Variants in DHX29 observed in about 807,000 individuals in gnomAD.
The protein encoded by DHX29 is DExH-box helicase 29.
DHX29 carries 79 observed loss-of-function variants against 167.9 expected under a neutral mutation model. That is an observed-to-expected ratio of 0.47 (90% CI 0.39 to 0.57). The LOEUF is 0.57. DHX29 is among the 20% of genes least tolerant of loss of function. The pLI is 0.00. For missense variants in DHX29, 1,347 were observed against 1,593.4 expected (o/e 0.85, Z 2.63); for synonymous variants, 530 against 546.0 (o/e 0.97, Z 0.41).
intron 8 of DHX29, among the ~76,000 whole-genome samples, chr5:55,288,575 T>C (rs1352963919): frequency 6.6e-6 from 1 of 152,098 alleles, no homozygotes; most frequent in African/African-American, 2.4e-5. Context: ...TTTGATCCTA[T>C]AGTGAATGGT....
chr5:55,277,905 C>CAAA (rs753851538), intron 12 of DHX29, among the ~76,000 whole-genome samples: 17 of 61,972 alleles, frequency 2.7e-4, no homozygotes, highest in Non-Finnish European at 3.7e-4. Context: ...GACTCTATCT[C>CAAA]AAAAAAAAAA....
intron 2 of DHX29, 52 bp from the exon 3 acceptor site, chr5:55,297,450 T>A: frequency 1.3e-6 from 1 of 793,954 alleles, no homozygotes; most frequent in Non-Finnish European, 2.1e-6. Flanking sequence ...ATTAAAAAAT[T>A]AAAAGCCAAT....
intron 3 of DHX29, 49 bp from the exon 4 acceptor site, chr5:55,296,398 C>A: frequency 1.9e-6 from 3 of 1,571,310 alleles, no homozygotes; most frequent in Non-Finnish European, 2.6e-6. Flanking sequence ...AGTTCCCTTC[C>A]TGTGTTACTA....
chr5:55,292,072 A>AAT (rs1748075571), intron 6 of DHX29, among the ~76,000 whole-genome samples: 1 of 152,162 alleles, frequency 6.6e-6, no homozygotes, highest in African/African-American at 2.4e-5. Flanking sequence ...TGGTAATTCA[A>AAT]TTTTTAATTT....
chr5:55,298,077 G>A, intron 2 of DHX29, among the ~76,000 whole-genome samples: 1 of 151,830 alleles, frequency 6.6e-6, no homozygotes, highest in East Asian at 1.9e-4. Context: ...ACCCAGCATG[G>A]CAATTCTCAA....
chr5:55,281,592 G>A, intron 11 of DHX29, 77 bp from the exon 12 acceptor site: 1 of 1,118,414 alleles, frequency 8.9e-7, no homozygotes, highest in African/African-American at 1.6e-5. Context: ...TGAAGCAGAG[G>A]TGCTGATCTT....
Position 55,274,901 on chromosome 5 carries a change from T to C in DHX29, c.2537A>G (p.Asn846Ser). Residue 846 changes from asparagine (N) to serine (S), a missense_variant, in exon 15 of 27, where the codon AAC becomes AGC. Physicochemically the swap from Asn to Ser is conservative, Grantham distance 46. Transcript: ENST00000251636. The part of the protein sequence containing the change: ...AILYMNPHKI[N>S]LDLILELLAY... ...AAGAAGTTCCAAAATGAGATCCAGGTTGATTTTATGAGGATTCATGTATAG... is the reference window on the plus strand; with the variant it reads ...AAGAAGTTCCAAAATGAGATCCAGGCTGATTTTATGAGGATTCATGTATAG... 1 of 1,613,648 alleles carries C rather than the reference T, an allele frequency of 6.2e-7. No individual in the cohort carries two copies. The highest frequency in any genetic ancestry group is 8.5e-7 in the Non-Finnish European group (1 of 1,179,860).
rs531109720 is a variant in DHX29, at chr5:55,285,880, A to G, written c.1067-19T>C. On this transcript the variant is annotated intron_variant, in intron 8 of 26. Transcript: ENST00000251636. ...TTTTTATCTAAAATGGTAAACAAAGATTGGTTCTTTAAAAATGGTCAAGCA... is the reference window on the plus strand; with the variant it reads ...TTTTTATCTAAAATGGTAAACAAAGGTTGGTTCTTTAAAAATGGTCAAGCA... The G allele has an allele frequency of 2.1e-5, 32 of 1,526,136 alleles. 2 individuals are homozygous for G. In the South Asian group the frequency reaches 4.1e-4, roughly 19 times the overall value. The allele number at this position is 1,526,136 out of a possible 1,614,324, so 94.5% of individuals were successfully genotyped here. A position where few individuals can be genotyped will look rare whatever the true frequency, so the allele number is the denominator to read the frequency against.
At chr5:55,275,075 GA>G in intron 14 of DHX29, 65 bp from the exon 15 acceptor site, 1 of 1,544,576 alleles carries the variant, frequency 6.5e-7, no homozygotes, top group East Asian at 2.3e-5. Context: ...GACAAAGAAG[GA>G]AAAAAGGCGG....
At chr5:55,259,789 G>T in intron 26 of DHX29, 59 bp downstream of exon 26, 2 of 929,958 alleles carry the variant, frequency 2.2e-6, no homozygotes, top group Non-Finnish European at 3.4e-6. Flanking sequence ...TTAATACATA[G>T]GTATGTGTAC....
At chr5:55,266,578 A>T in intron 23 of DHX29, among the ~76,000 whole-genome samples, 1 of 148,860 alleles carries the variant, frequency 6.7e-6, no homozygotes, top group African/African-American at 2.5e-5. Context: ...AAAAACTGAG[A>T]CTTCTAATTC....
chr5:55,270,379 G>T, intron 20 of DHX29, 33 bp downstream of exon 20: 1 of 1,570,948 alleles, frequency 6.4e-7, no homozygotes, highest in South Asian at 1.2e-5. Context: ...AAGGGGCGAA[G>T]GACAAAATCC....
Position 55,281,496 on chromosome 5 carries a change from T to G in DHX29, c.1985A>C (p.Gln662Pro). ...ACAAGCTCGAGATTCCATCCGGATC[T>G]GATATCCACACAAGGAATTCTAAAG... ...PGGRNSLCGY[Q>P]IRMESRACES... is the part of the protein sequence containing the mutation. The change falls in exon 12 of 27, where the codon CAG becomes CCG. Residue 662 changes from glutamine to proline, a missense_variant. Physicochemically the swap from Gln to Pro is moderately conservative, Grantham distance 76. Coordinates refer to ENST00000251636, the MANE Select transcript of DHX29 (RefSeq NM_019030.4). 1 of 1,593,512 alleles carries G rather than the reference T, an allele frequency of 6.3e-7. No individual in the cohort carries two copies. Among genetic ancestry groups the G allele is most frequent in the Non-Finnish European group, 8.5e-7 (1 of 1,170,438 alleles).
chr5:55,290,074 C>G (rs915362854), intron 7 of DHX29, 144 bp downstream of exon 7: 63 of 976,822 alleles, frequency 6.4e-5, no homozygotes, highest in Middle Eastern at 3.5e-4. Flanking sequence ...GTATTTACTA[C>G]TTATTATTTT....
Position 55,256,553 on chromosome 5 carries a change from A to C in DHX29, c.4058-13T>G. ...AGAATCTTGTCATCTGAGTGGAAGG[A>C]AAAAAAAAAGCCACGAATAAATGCA... On this transcript the variant is annotated splice_polypyrimidine_tract_variant and intron_variant, in intron 26 of 26. Transcript: ENST00000251636. 1 of 1,377,712 alleles carries C rather than the reference A, an allele frequency of 7.3e-7. No individual in the cohort carries two copies. Among genetic ancestry groups the C allele is most frequent in the Non-Finnish European group, 9.7e-7 (1 of 1,033,622 alleles). The allele number at this position is 1,377,712 out of a possible 1,614,324, so 85.3% of individuals were successfully genotyped here.
intron 12 of DHX29, among the ~76,000 whole-genome samples, chr5:55,278,959 G>A (rs1747258151): frequency 6.6e-6 from 1 of 152,162 alleles, no homozygotes; most frequent in Middle Eastern, 3.2e-3. Flanking sequence ...TTATCCCAAT[G>A]AGTCAGGAAG....
intron 1 of DHX29, among the ~76,000 whole-genome samples, chr5:55,302,830 C>G (rs1278059531): frequency 5.3e-5 from 8 of 152,156 alleles, no homozygotes; most frequent in African/African-American, 1.9e-4. Context: ...TTCACTTTTG[C>G]CAAGTAAAGT....
At chr5:55,272,682 G>A (rs1193467185) in intron 17 of DHX29, among the ~76,000 whole-genome samples, 1 of 152,108 alleles carries the variant, frequency 6.6e-6, no homozygotes, top group African/African-American at 2.4e-5. Flanking sequence ...GCAGTGAGCC[G>A]AGATTGTGCC....
intron 7 of DHX29, among the ~76,000 whole-genome samples, chr5:55,289,815 T>C (rs988295585): frequency 6.6e-5 from 10 of 152,252 alleles, no homozygotes; most frequent in Admixed American, 2.0e-4. Flanking sequence ...TGGCAAACTA[T>C]GTCTTGTAGG....
Sources: allele counts gnomAD v4.1 joint callset (sites outside exome capture counted in the v4.1 genomes callset), GRCh38; gene constraint gnomAD v4.1.1; transcripts MANE v1.5; gene names NCBI Gene and HGNC (gene_info 2026-07-23, HGNC 2026-07-21).